Variants in USP9X observed in about 807,000 individuals in gnomAD.
USP9X encodes ubiquitin carboxyl-terminal hydrolase 9X.
A neutral mutation model predicts 190.3 loss-of-function variants in USP9X; 7 were observed. The observed-to-expected ratio is 0.04, with a 90% CI of 0.02 to 0.07. USP9X has a LOEUF of 0.07. Among genes scored for constraint, USP9X ranks in the 10% least tolerant of loss-of-function variants. The pLI is 1.00. For missense variants in USP9X, 1,010 were observed against 1,916.9 expected (o/e 0.53, Z 8.83); for synonymous variants, 645 against 659.5 (o/e 0.98, Z 0.34).
At position 41,216,646 on chromosome X, in the gene USP9X, C is replaced by T. The variant is rs749281917; in HGVS notation, c.6079C>T (p.Pro2027Ser). The T allele has an allele frequency of 3.3e-6, 4 of 1,201,403 alleles. No homozygotes were observed. The highest frequency in any genetic ancestry group is 5.9e-5 in the East Asian group (2 of 33,683). The change falls in exon 35 of 45, where the codon CCT becomes TCT. Residue 2027 changes from proline to serine, a missense_variant. This residue lies in a region of USP9X where 121 missense variants were observed against 281.2 expected (regional missense o/e 0.43). Coordinates refer to ENST00000378308, the MANE Select transcript of USP9X (RefSeq NM_001039591.3). ...ATGTAATGGCGTTTACTTAAACCCTCCTCCCGGTGAGTATCAAGAGAGTTT... is the reference window on the plus strand; with the variant it reads ...ATGTAATGGCGTTTACTTAAACCCTTCTCCCGGTGAGTATCAAGAGAGTTT... ...LTCNGVYLNP[P>S]PGQDHLLPEA...
chrX:41,129,755 G>T (rs893574578), intron 3 of USP9X, among the ~76,000 whole-genome samples: 1 of 111,544 alleles, frequency 9.0e-6, no homozygotes, highest in Admixed American at 9.5e-5. Context: ...ATCTTCACCA[G>T]ACTGTGGGCT....
Position 41,167,992 on chromosome X carries a change from G to T in USP9X, c.2425-15G>T, listed in dbSNP as rs1166708598. 1 of 1,180,746 alleles carries T rather than the reference G, an allele frequency of 8.5e-7. No individual in the cohort carries two copies. The highest frequency in any genetic ancestry group is 1.8e-5 in the African/African-American group (1 of 56,936). ...AAGCAATTTTAACTGTGTTTATTTG[G>T]CCTGATATTTGTAGGTGGTGATCCA... On this transcript the variant is annotated splice_polypyrimidine_tract_variant and intron_variant, in intron 17 of 44. Coordinates refer to ENST00000378308, the MANE Select transcript of USP9X (RefSeq NM_001039591.3).
At chrX:41,160,392 A>G (rs1054726468) in intron 14 of USP9X, among the ~76,000 whole-genome samples, 1 of 109,972 alleles carries the variant, frequency 9.1e-6, no homozygotes, top group Admixed American at 9.8e-5. Flanking sequence ...CTTCATTCCT[A>G]TTTAGCATAA....
rs779260560 is a variant in USP9X, at chrX:41,218,398, G to A, written c.6236G>A (p.Arg2079His). Residue 2079 changes from arginine to histidine, a missense_variant, in exon 37 of 45, where the codon CGT (arginine) becomes CAT (histidine). Coordinates refer to ENST00000378308, the MANE Select transcript of USP9X (RefSeq NM_001039591.3). ...TATGATGCATTGTGTATTCTCCTTC[G>A]TCACAGCAAGAATGTACGTTTTTGG... is the stretch of plus-strand genomic sequence containing the variant. ...DWYDALCILL[R>H]HSKNVRFWFA... The A allele has an allele frequency of 4.4e-5, 53 of 1,208,782 alleles. No homozygotes were observed. The highest frequency in any genetic ancestry group is 5.0e-5 in the Non-Finnish European group (45 of 894,978).
intron 35 of USP9X, among the ~76,000 whole-genome samples, chrX:41,216,977 G>A (rs747992122): frequency 1.9e-4 from 21 of 111,015 alleles, no homozygotes; most frequent in Non-Finnish European, 2.8e-4. Flanking sequence ...CAGGAGAATC[G>A]CTTGAACCTG....
In USP9X at chrX:41,136,904, A is replaced by G. The variant is rs1254993379; in HGVS notation, c.536A>G (p.Asn179Ser). The change falls in exon 6 of 45, where the codon AAT (asparagine) becomes AGT (serine). Residue 179 changes from asparagine (N) to serine (S), a missense_variant. Around this residue, in one of 11 missense-constraint regions of USP9X, gnomAD observed 176 missense variants for 247.5 expected, o/e 0.71. Transcript: ENST00000378308. ...PLLELLAMAL[N>S]PHCKFHIYNG... is the part of the protein sequence containing the mutation. ...TTAGAACTTCTTGCCATGGCCTTAA[A>G]TCCTCATTGCAAATTCCATATCTAC... is the stretch of plus-strand genomic sequence containing the variant. The G allele has an allele frequency of 1.7e-6, 2 of 1,211,224 alleles. No homozygotes were observed. The highest frequency in any genetic ancestry group is 4.3e-5 in the Admixed American group (2 of 45,990).
Position 41,216,102 on chromosome X carries a change from G to A in USP9X, c.5535G>A (p.Gln1845=). Residue 1845 remains glutamine, a synonymous_variant, in exon 35 of 45, where the codon CAG becomes CAA. Coordinates refer to ENST00000378308, the MANE Select transcript of USP9X (RefSeq NM_001039591.3). ...GGGATAATGTAAACCCAGAGAGTCA[G>A]TTGATACAACAGAGTGAGCAGTCTG... ...LEGDNVNPES[Q]LIQQSEQSES... The A allele has an allele frequency of 1.7e-6, 2 of 1,211,902 alleles. No homozygotes were observed. The highest frequency in any genetic ancestry group is 1.8e-5 in the South Asian group (1 of 57,015).
intron 2 of USP9X, among the ~76,000 whole-genome samples, chrX:41,125,511 A>G (rs1003003243): frequency 1.6e-4 from 17 of 107,557 alleles, no homozygotes; most frequent in African/African-American, 5.1e-4. Context: ...CCTTTTTATT[A>G]TCTTTTTTGT....
At chrX:41,171,510 T>G in intron 20 of USP9X, 1 of 225,938 alleles carries the variant, frequency 4.4e-6, no homozygotes, top group South Asian at 6.5e-5. Flanking sequence ...AGGATTTGGC[T>G]CTCTATAACA....
intron 41 of USP9X, among the ~76,000 whole-genome samples, chrX:41,226,228 G>A (rs1290330060): frequency 6.3e-5 from 7 of 111,945 alleles, no homozygotes; most frequent in East Asian, 5.5e-4. Flanking sequence ...TTTTTCCCCC[G>A]TAAAAACTAA....
Position 41,134,970 on chromosome X carries a change from C to A in USP9X, c.435+133C>A, listed in dbSNP as rs1041380251. The A allele has an allele frequency of 6.6e-5, 29 of 440,439 alleles. No homozygotes were observed. In the African/African-American group the frequency reaches 7.0e-4, roughly 11 times the overall value. 36.3% of individuals were successfully genotyped at this position (440,439 alleles called of 1,213,427 possible). A position where few individuals can be genotyped will look rare whatever the true frequency, so the allele number is the denominator to read the frequency against. ...AATTAAAAGGTCTAAAAATGAAAAA[C>A]TTAAAAATGTTTATAAATTAAGTCT... On this transcript the variant is annotated intron_variant, in intron 5 of 44. Transcript: ENST00000378308.
intron 21 of USP9X, among the ~76,000 whole-genome samples, chrX:41,181,409 C>G (rs2062824587): frequency 1.1e-5 from 1 of 89,262 alleles, no homozygotes; most frequent in South Asian, 6.6e-4. Flanking sequence ...GTAGCTAGGA[C>G]TACAGGTACA....
Position 41,085,702 on chromosome X carries a change from C to G in USP9X, c.-566C>G, listed in dbSNP as rs1415807221. 2 of 295,045 alleles carry G rather than the reference C, an allele frequency of 6.8e-6. No individual in the cohort carries two copies. Among genetic ancestry groups the G allele is most frequent in the African/African-American group, 5.5e-5 (2 of 36,341 alleles). 24.3% of individuals were successfully genotyped at this position (295,045 alleles called of 1,213,427 possible). ...GAGGAGCGAGCTACTTCAAAGCCAC[C>G]AGGCCTGGAGCGGGGACAGAGGCGG... On this transcript the variant is annotated 5_prime_UTR_variant, in exon 1 of 45. Coordinates refer to ENST00000378308, the MANE Select transcript of USP9X (RefSeq NM_001039591.3).
At chrX:41,160,152 G>C (rs1222791253) in intron 14 of USP9X, among the ~76,000 whole-genome samples, 1 of 109,485 alleles carries the variant, frequency 9.1e-6, no homozygotes, top group Non-Finnish European at 1.9e-5. Flanking sequence ...ATAGACATCT[G>C]AGTAATTTAG....
intron 1 of USP9X, among the ~76,000 whole-genome samples, chrX:41,122,871 A>G (rs1386035454): frequency 9.0e-6 from 1 of 110,730 alleles, no homozygotes; most frequent in African/African-American, 3.3e-5. Context: ...TCTCACAGCC[A>G]ATCTCCAACG....
chrX:41,183,892 C>A, intron 21 of USP9X, 106 bp from the exon 22 acceptor site: 1 of 974,652 alleles, frequency 1.0e-6, no homozygotes, highest in Non-Finnish European at 1.3e-6. Flanking sequence ...TATAGCCCAA[C>A]TGAGTGGATT....
At chrX:41,196,049 C>A in intron 26 of USP9X, 1 of 508,580 alleles carries the variant, frequency 2.0e-6, no homozygotes, top group Non-Finnish European at 3.5e-6. Flanking sequence ...GGTTATAGTC[C>A]TGGACATAGA....
intron 26 of USP9X, among the ~76,000 whole-genome samples, chrX:41,190,091 G>T (rs904006836): frequency 1.8e-5 from 2 of 111,673 alleles, no homozygotes; most frequent in Non-Finnish European, 3.8e-5. Flanking sequence ...TGTCACTGTT[G>T]TATGTAATTA....
intron 21 of USP9X, among the ~76,000 whole-genome samples, chrX:41,181,316 TGTCC>T (rs1446498817): frequency 1.0e-5 from 1 of 99,674 alleles, no homozygotes; most frequent in East Asian, 3.1e-4. Context: ...CCTTACTCTG[TGTCC>T]CAGGCTAGAG....
Sources: gnomAD v4.1 joint callset for allele counts (sites outside exome capture counted in the v4.1 genomes callset) on GRCh38, gnomAD v4.1.1 for gene constraint, gnomAD v4.1.1 regional missense constraint, MANE v1.5 for transcripts, NCBI Gene and HGNC (gene_info 2026-07-23, HGNC 2026-07-21) for gene names.